Variants in SEMA3A observed in about 807,000 individuals in gnomAD.
SEMA3A encodes the protein semaphorin-3A.
A neutral mutation model predicts 97.9 loss-of-function variants in SEMA3A; 29 were observed. That is an observed-to-expected ratio of 0.30 (90% CI 0.22 to 0.40). SEMA3A has a LOEUF of 0.40. SEMA3A is among the 10% of genes least tolerant of loss of function. The probability of loss-of-function intolerance (pLI) is 1.00; values close to 1 mark genes in which losing one functional copy is unlikely to be tolerated. For missense variants in SEMA3A, 763 were observed against 951.3 expected (o/e 0.80, Z 2.60); for synonymous variants, 321 against 323.7 (o/e 0.99, Z 0.09).
chr7:84,385,092 CACACAA>C (rs372512629), intron 1 of SEMA3A, among the ~76,000 whole-genome samples: 1,589 of 147,698 alleles, frequency 0.011, 19 homozygotes, highest in African/African-American at 0.04. Flanking sequence ...CACACACACA[CACACAA>C]ACACTCAATT....
intron 1 of SEMA3A, among the ~76,000 whole-genome samples, chr7:84,168,590 C>T (rs763188634): frequency 9.9e-5 from 15 of 151,844 alleles, no homozygotes; most frequent in African/African-American, 2.4e-4. Context: ...TAGAAATCGA[C>T]GTATTTTCCA....
intron 4 of SEMA3A, among the ~76,000 whole-genome samples, chr7:84,086,567 T>G (rs1387611663): frequency 3.5e-5 from 2 of 56,640 alleles, no homozygotes; most frequent in African/African-American, 7.1e-5. Context: ...ATTATTATAT[T>G]ATATTTACAT....
chr7:84,441,341 G>C (rs915443382), intron 1 of SEMA3A, among the ~76,000 whole-genome samples: 1 of 151,546 alleles, frequency 6.6e-6, no homozygotes, highest in South Asian at 2.1e-4. Context: ...CATCAATAAA[G>C]AGATAGAAAC....
At chr7:84,290,174 T>C (rs1199336081) in intron 3 of SEMA3A, among the ~76,000 whole-genome samples, 29 of 152,122 alleles carry the variant, frequency 1.9e-4, no homozygotes, top group Admixed American at 1.9e-3. Flanking sequence ...ATTGTGATGA[T>C]AATTATACCA....
intron 2 of SEMA3A, among the ~76,000 whole-genome samples, chr7:84,321,941 T>C (rs1431786409): frequency 8.2e-6 from 1 of 122,004 alleles, no homozygotes; most frequent in Non-Finnish European, 1.7e-5. Flanking sequence ...GCATAATTTA[T>C]AAAGAAAAGA....
intron 1 of SEMA3A, among the ~76,000 whole-genome samples, chr7:84,441,343 G>T (rs1248147581): frequency 6.6e-6 from 1 of 151,420 alleles, no homozygotes; most frequent in South Asian, 2.1e-4. Flanking sequence ...TCAATAAAGA[G>T]ATAGAAACTG....
chr7:84,418,175 T>C (rs762510870), intron 1 of SEMA3A, among the ~76,000 whole-genome samples: 10 of 152,014 alleles, frequency 6.6e-5, no homozygotes, highest in Non-Finnish European at 1.5e-4. Context: ...CTCATGCTGG[T>C]AATAAAGACA....
intron 3 of SEMA3A, among the ~76,000 whole-genome samples, chr7:84,257,593 C>T (rs1799747072): frequency 6.6e-6 from 1 of 152,144 alleles, no homozygotes; most frequent in African/African-American, 2.4e-5. Flanking sequence ...TGCTCTGAAA[C>T]ATTAATCCCC....
In SEMA3A at chr7:84,305,515, A is replaced by T. The variant is rs867119212; in HGVS notation, c.-83+1692T>A. The stretch of plus-strand genomic sequence containing the variant: ...TATCCTGTTTCAATTCAATGTGTAT[A>T]TTGTCAATTGCATTCAGTGATTTAA... On this transcript the variant is annotated intron_variant, in intron 3 of 3. Transcript: ENST00000424555. 3.3e-5 allele frequency among the ~76,000 whole-genome samples: 5 copies of T among 152,016 alleles called. No individual in the cohort carries two copies. In the South Asian group the frequency reaches 1.0e-3, roughly 31 times the overall value.
chr7:84,062,038 A>T (rs998663611), intron 4 of SEMA3A, among the ~76,000 whole-genome samples: 2 of 152,194 alleles, frequency 1.3e-5, no homozygotes, highest in African/African-American at 2.4e-5. Flanking sequence ...CAGCACATGT[A>T]AGGATATTTA....
chr7:84,490,472 T>C (rs2116452551), intron 1 of SEMA3A, among the ~76,000 whole-genome samples: 1 of 152,306 alleles, frequency 6.6e-6, no homozygotes, highest in African/African-American at 2.4e-5. Context: ...ACAGTGCCTT[T>C]TAAAAGTTCA....
chr7:84,070,868 G>A (rs139326425), intron 4 of SEMA3A, among the ~76,000 whole-genome samples: 1 of 151,992 alleles, frequency 6.6e-6, no homozygotes. Context: ...AGTCTTCAGA[G>A]ATTCCTGCTG....
chr7:84,276,163 A>G (rs1446744765), intron 3 of SEMA3A, among the ~76,000 whole-genome samples: 1 of 152,196 alleles, frequency 6.6e-6, no homozygotes, highest in East Asian at 1.9e-4. Context: ...TTCAATAAAT[A>G]TTTATTGAGT....
intron 1 of SEMA3A, among the ~76,000 whole-genome samples, chr7:84,381,584 C>T (rs1454017680): frequency 6.6e-6 from 1 of 152,198 alleles, no homozygotes; most frequent in Non-Finnish European, 1.5e-5. Flanking sequence ...CCATCACCCT[C>T]TCTCCTATCC....
At chr7:84,278,498 T>C (rs1253216297) in intron 3 of SEMA3A, among the ~76,000 whole-genome samples, 1 of 152,124 alleles carries the variant, frequency 6.6e-6, no homozygotes, top group Non-Finnish European at 1.5e-5. Context: ...ATTAGACCTT[T>C]CTTATTGCTA....
intron 1 of SEMA3A, among the ~76,000 whole-genome samples, chr7:84,427,455 T>C (rs1487462427): frequency 6.6e-6 from 1 of 151,714 alleles, no homozygotes; most frequent in Non-Finnish European, 1.5e-5. Flanking sequence ...GAGACCAGCC[T>C]GGCCAATATG....
chr7:84,480,782 A>G (rs1181218899), intron 1 of SEMA3A, among the ~76,000 whole-genome samples: 1 of 152,192 alleles, frequency 6.6e-6, no homozygotes, highest in Non-Finnish European at 1.5e-5. Flanking sequence ...TATTTTCAAC[A>G]TACTGTGTCT....
intron 1 of SEMA3A, among the ~76,000 whole-genome samples, chr7:84,382,438 T>A (rs1466048080): frequency 6.6e-6 from 1 of 151,770 alleles, no homozygotes; most frequent in East Asian, 1.9e-4. Flanking sequence ...ATGATATATT[T>A]TAGATATTAG....
At chr7:84,485,438 C>T (rs1213601392) in intron 1 of SEMA3A, among the ~76,000 whole-genome samples, 2 of 151,078 alleles carry the variant, frequency 1.3e-5, no homozygotes, top group Non-Finnish European at 1.5e-5. Context: ...TGCAGTGGGG[C>T]GATCATAGTT....
Sources: gnomAD v4.1 joint callset for allele counts (sites outside exome capture counted in the v4.1 genomes callset) on GRCh38, gnomAD v4.1.1 for gene constraint, MANE v1.5 for transcripts, NCBI Gene and HGNC (gene_info 2026-07-23, HGNC 2026-07-21) for gene names.